The following SCARA3 variants were observed in gnomAD, a reference collection of about 807,000 sequenced individuals.
The protein encoded by SCARA3 is cellular stress response gene protein.
SCARA3 carries 39 observed loss-of-function variants against 47.0 expected under a neutral mutation model. The observed-to-expected ratio is 0.83, with a 90% CI of 0.64 to 1.08. The LOEUF (loss-of-function observed/expected upper bound fraction) is 1.08. Among genes scored for constraint, SCARA3 ranks in the 50% least tolerant of loss-of-function variants. The pLI is 0.00. For missense variants in SCARA3, 724 were observed against 792.3 expected (o/e 0.91, Z 1.04); for synonymous variants, 356 against 334.1 (o/e 1.07, Z -0.71).
chr8:27,660,877 GATAGATA>G (rs1801900145), intron 5 of SCARA3, among the ~76,000 whole-genome samples: 1 of 142,340 alleles, frequency 7.0e-6, no homozygotes, highest in Non-Finnish European at 1.6e-5. Context: ...TAGATAGATA[GATAGATA>G]ATGATAGAGA....
At chr8:27,680,627 C>CATA (rs1278027464), downstream of SCARA3, among the ~76,000 whole-genome samples, 2 of 152,058 alleles carry the variant, frequency 1.3e-5, no homozygotes, top group African/African-American at 4.8e-5. Flanking sequence ...TTAAGAAATA[C>CATA]ATAATGCCAA....
chr8:27,706,918 A>G, the SCARA3 span, among the ~76,000 whole-genome samples: 3 of 152,138 alleles, frequency 2.0e-5, no homozygotes, highest in Non-Finnish European at 2.9e-5. Context: ...AAGGTGAGGT[A>G]TAGGAGGAAA....
the SCARA3 span, among the ~76,000 whole-genome samples, chr8:27,713,628 T>A: frequency 6.6e-6 from 1 of 152,216 alleles, no homozygotes; most frequent in Non-Finnish European, 1.5e-5. Context: ...CAGAGGCCCC[T>A]TCAGACCAGG....
intron 3 of SCARA3, among the ~76,000 whole-genome samples, chr8:27,655,409 C>A (rs1199866628): frequency 6.6e-6 from 1 of 152,214 alleles, no homozygotes; most frequent in South Asian, 2.1e-4. Context: ...CACTACCAGG[C>A]CCATTCAGGC....
the SCARA3 span, among the ~76,000 whole-genome samples, chr8:27,709,979 T>G: frequency 2.0e-5 from 3 of 152,066 alleles, no homozygotes; most frequent in Non-Finnish European, 4.4e-5. Context: ...GCCTGTAATC[T>G]CAGCACTTTG....
At chr8:27,706,274 C>T in the SCARA3 span, among the ~76,000 whole-genome samples, 1 of 152,180 alleles carries the variant, frequency 6.6e-6, no homozygotes, top group African/African-American at 2.4e-5. Context: ...CTGCCTCAGC[C>T]TCCCGAGTAG....
chr8:27,694,061 A>T, the SCARA3 span, among the ~76,000 whole-genome samples: 11 of 152,180 alleles, frequency 7.2e-5, no homozygotes, highest in Admixed American at 6.5e-4. Flanking sequence ...GACAAAATAA[A>T]CTTTCTAAAT....
chr8:27,681,424 T>C (rs1266078030), downstream of SCARA3, among the ~76,000 whole-genome samples: 2 of 152,174 alleles, frequency 1.3e-5, no homozygotes, highest in East Asian at 3.9e-4. Context: ...CAAAATTTGT[T>C]TAATATCTCT....
At chr8:27,663,573 C>T (rs1801957233) in intron 5 of SCARA3, among the ~76,000 whole-genome samples, 1 of 152,202 alleles carries the variant, frequency 6.6e-6, no homozygotes, top group South Asian at 2.1e-4. Context: ...TGATTGGTGG[C>T]TCAGAACACT....
Position 27,672,323 on chromosome 8 carries a change from C to T in SCARA3, c.*972C>T, listed in dbSNP as rs1021871940. 1 of 985,378 alleles carries T rather than the reference C, an allele frequency of 1.0e-6. No homozygotes were observed. The highest frequency in any genetic ancestry group is 1.2e-6 in the Non-Finnish European group (1 of 829,978). The allele number at this position is 985,378 out of a possible 1,614,324, so 61.0% of individuals were successfully genotyped here. A position where few individuals can be genotyped will look rare whatever the true frequency, so the allele number is the denominator to read the frequency against. On this transcript the variant is annotated 3_prime_UTR_variant, in exon 6 of 6. Transcript: ENST00000301904. ...GGAGTTTCATCTGCATGGGGGCACT[C>T]TGCAGGCCCTGGAACATTGGGCCTG...
rs777125971 is a variant in SCARA3 at position 27,671,111 on chromosome 8, C to T, written c.1581C>T (p.Ser527=). ...GFPGLKGSKG[S]FGTGGPRGQP... ...CAGGCCTCAAAGGCTCAAAGGGCAG[C>T]TTTGGAACTGGAGGGCCGAGAGGAC... The change falls in exon 6 of 6, where the codon AGC becomes AGT. Residue 527 remains serine, a synonymous_variant. Coordinates refer to ENST00000301904, the MANE Select transcript of SCARA3 (RefSeq NM_016240.3). 79 of 1,598,334 alleles carry T rather than the reference C, an allele frequency of 4.9e-5. No individual in the cohort carries two copies. The highest frequency in any genetic ancestry group is 6.5e-5 in the Non-Finnish European group (76 of 1,172,372).
chr8:27,646,620 A>G (rs1005155818), intron 1 of SCARA3, among the ~76,000 whole-genome samples: 1 of 152,150 alleles, frequency 6.6e-6, no homozygotes, highest in Non-Finnish European at 1.5e-5. Context: ...TCCCCACGGT[A>G]GCCCCGGGGC....
At chr8:27,710,229 C>CA in the SCARA3 span, among the ~76,000 whole-genome samples, 7,561 of 104,886 alleles carry the variant, frequency 0.072, 307 homozygotes, top group Non-Finnish European at 0.1. Context: ...GACTCCGTCT[C>CA]AAAAAAAAAA....
chr8:27,645,067 C>T (rs1801464250), intron 1 of SCARA3, among the ~76,000 whole-genome samples: 1 of 152,208 alleles, frequency 6.6e-6, no homozygotes, highest in Non-Finnish European at 1.5e-5. Flanking sequence ...GCAGTTCAAA[C>T]ACCAGCCCTT....
chr8:27,633,706 C>A (rs1461879994), upstream of SCARA3, among the ~76,000 whole-genome samples: 1 of 151,790 alleles, frequency 6.6e-6, no homozygotes. Context: ...GTAGGCGGGG[C>A]GCGGGGCCCC....
At chr8:27,687,537 G>C in the SCARA3 span, among the ~76,000 whole-genome samples, 1 of 152,130 alleles carries the variant, frequency 6.6e-6, no homozygotes, top group Non-Finnish European at 1.5e-5. Flanking sequence ...AGGACAGAAG[G>C]CAGGAAGAGA....
At chr8:27,644,886 G>T (rs886858916) in intron 1 of SCARA3, among the ~76,000 whole-genome samples, 2 of 152,012 alleles carry the variant, frequency 1.3e-5, no homozygotes, top group African/African-American at 4.8e-5. Flanking sequence ...CATACAGGTG[G>T]TATTGAAAAG....
the SCARA3 span, among the ~76,000 whole-genome samples, chr8:27,706,386 C>A: frequency 6.6e-6 from 1 of 152,082 alleles, no homozygotes. Context: ...CTCCTGACCT[C>A]GAGTGATCTG....
chr8:27,649,171 C>T (rs1163994392), intron 1 of SCARA3, among the ~76,000 whole-genome samples: 1 of 152,298 alleles, frequency 6.6e-6, no homozygotes, highest in East Asian at 1.9e-4. Context: ...CTTTGACACC[C>T]TGATGGGTCC....
Sources: allele counts gnomAD v4.1 joint callset (sites outside exome capture counted in the v4.1 genomes callset), GRCh38; gene constraint gnomAD v4.1.1; transcripts MANE v1.5; gene names NCBI Gene and HGNC (gene_info 2026-07-23, HGNC 2026-07-21).